ANXA10: variants seen among roughly 807,000 people sequenced by gnomAD.
ANXA10 encodes annexin 14.
ANXA10 carries 49 observed loss-of-function variants against 53.5 expected under a neutral mutation model. That is an observed-to-expected ratio of 0.92 (90% confidence interval 0.73 to 1.16). ANXA10 has a LOEUF of 1.16. Ranked by LOEUF, ANXA10 falls within the 50% of genes most tolerant of loss-of-function variation. ANXA10 has a pLI of 0.00. For synonymous variants in ANXA10, 131 were observed against 128.9 expected (o/e 1.02, Z -0.11); for missense variants, 393 against 394.4 (o/e 1.00, Z 0.03).
intron 11 of ANXA10, among the ~76,000 whole-genome samples, chr4:168,185,816 G>A (rs1732359076): frequency 6.6e-6 from 1 of 152,186 alleles, no homozygotes; most frequent in Admixed American, 6.5e-5. Context: ...GTAATTCCAA[G>A]AAGCAGTGTT....
chr4:168,176,962 T>C (rs1277077561), intron 6 of ANXA10, among the ~76,000 whole-genome samples: 3 of 152,178 alleles, frequency 2.0e-5, no homozygotes, highest in Non-Finnish European at 4.4e-5. Flanking sequence ...ATCATGCCAC[T>C]GCATTCTAAC....
intron 1 of ANXA10, among the ~76,000 whole-genome samples, chr4:168,108,734 A>G (rs1160474856): frequency 6.6e-6 from 1 of 152,162 alleles, no homozygotes; most frequent in Non-Finnish European, 1.5e-5. Flanking sequence ...TCTCACTTAA[A>G]ATAGCTATGT....
At chr4:168,154,607 A>C (rs1731568750) in intron 3 of ANXA10, among the ~76,000 whole-genome samples, 2 of 152,146 alleles carry the variant, frequency 1.3e-5, no homozygotes, top group Admixed American at 1.3e-4. Context: ...TCCTGTAGAG[A>C]TAAAAGTATA....
intron 1 of ANXA10, among the ~76,000 whole-genome samples, chr4:168,122,654 G>C (rs993274736): frequency 6.6e-6 from 1 of 152,314 alleles, no homozygotes; most frequent in Non-Finnish European, 1.5e-5. Flanking sequence ...ATTCACAGCA[G>C]AAGGTGAAGC....
chr4:168,099,221 T>C (rs1186692679), intron 1 of ANXA10, among the ~76,000 whole-genome samples: 1 of 152,168 alleles, frequency 6.6e-6, no homozygotes, highest in African/African-American at 2.4e-5. Context: ...AGTAAACTTC[T>C]TGAATTATTG....
intron 1 of ANXA10, among the ~76,000 whole-genome samples, chr4:168,119,919 T>G (rs1392674900): frequency 6.6e-6 from 1 of 152,096 alleles, no homozygotes; most frequent in African/African-American, 2.4e-5. Flanking sequence ...GATTCAAGCT[T>G]CTTCTTTGCC....
At chr4:168,156,075 T>TATAA (rs1731652869) in intron 3 of ANXA10, among the ~76,000 whole-genome samples, 1 of 73,926 alleles carries the variant, frequency 1.4e-5, no homozygotes, top group Non-Finnish European at 2.3e-5. Context: ...ATATATTATA[T>TATAA]ATATTATATA....
intron 2 of ANXA10, among the ~76,000 whole-genome samples, chr4:168,137,401 T>C (rs1233973323): frequency 6.6e-6 from 1 of 152,146 alleles, no homozygotes; most frequent in African/African-American, 2.4e-5. Context: ...TCATACCCAA[T>C]AGGTAATTTT....
chr4:168,167,814 A>G (rs939969404), intron 6 of ANXA10, among the ~76,000 whole-genome samples: 1 of 152,160 alleles, frequency 6.6e-6, no homozygotes, highest in Admixed American at 6.5e-5. Context: ...TTCACGACTC[A>G]AAAACATTTC....
rs551639969 is a variant in ANXA10 at position 168,158,499 on chromosome 4, C to T, written c.196-4029C>T. Among the ~76,000 whole-genome samples, 19 of 152,212 alleles carry T rather than the reference C, an allele frequency of 1.2e-4. 1 individual carries two copies. The South Asian group carries it at 3.7e-3, about 30-fold the overall frequency. ...ATCATGTAAGAATTTTTTGTCTACA[C>T]CAAGTGGCAAAGATTTGTTCTGGTA... On this transcript the variant is annotated intron_variant, in intron 3 of 11. Coordinates refer to ENST00000359299, the MANE Select transcript of ANXA10 (RefSeq NM_007193.5).
intron 3 of ANXA10, among the ~76,000 whole-genome samples, chr4:168,157,362 G>T (rs1348222597): frequency 6.6e-6 from 1 of 151,960 alleles, no homozygotes; most frequent in Admixed American, 6.6e-5. Flanking sequence ...CCGCCACCCA[G>T]GTTCCAGTGA....
intron 3 of ANXA10, among the ~76,000 whole-genome samples, chr4:168,149,858 T>G (rs1731469154): frequency 6.6e-6 from 1 of 152,228 alleles, no homozygotes; most frequent in East Asian, 1.9e-4. Flanking sequence ...CTTTCAATGC[T>G]GAATAATATT....
chr4:168,122,767 C>A (rs115755287), intron 1 of ANXA10, among the ~76,000 whole-genome samples: 2,220 of 152,232 alleles, frequency 0.015, 52 homozygotes, highest in African/African-American at 0.047. Context: ...AACTCACTCA[C>A]TATTGTGAGG....
chr4:168,183,202 G>A (rs1732295442), intron 10 of ANXA10, among the ~76,000 whole-genome samples: 2 of 151,922 alleles, frequency 1.3e-5, no homozygotes, highest in Non-Finnish European at 2.9e-5. Flanking sequence ...CAGCATGCTG[G>A]GAAAATATGT....
chr4:168,164,524 T>TA (rs1330811085), intron 5 of ANXA10, among the ~76,000 whole-genome samples: 1 of 152,154 alleles, frequency 6.6e-6, no homozygotes, highest in Admixed American at 6.5e-5. Flanking sequence ...TACAAGTCTC[T>TA]ATGAGGTGAA....
intron 1 of ANXA10, among the ~76,000 whole-genome samples, chr4:168,097,654 A>G (rs932828925): frequency 1.3e-5 from 2 of 152,066 alleles, no homozygotes; most frequent in Non-Finnish European, 2.9e-5. Context: ...ACCTTACATT[A>G]TCATTGCCTG....
intron 1 of ANXA10, among the ~76,000 whole-genome samples, chr4:168,105,023 A>G (rs1730697400): frequency 1.3e-5 from 2 of 151,990 alleles, no homozygotes. Flanking sequence ...TGATAAATGT[A>G]GATGAGTGAA....
intron 1 of ANXA10, among the ~76,000 whole-genome samples, chr4:168,101,329 G>A (rs973951197): frequency 4.6e-5 from 7 of 151,932 alleles, no homozygotes; most frequent in Admixed American, 6.6e-5. Flanking sequence ...GGAACTGTGG[G>A]TCAATTAGAC....
intron 3 of ANXA10, among the ~76,000 whole-genome samples, chr4:168,156,358 A>G (rs1430179208): frequency 4.6e-5 from 5 of 107,846 alleles, no homozygotes; most frequent in African/African-American, 1.5e-4. Context: ...TATATAATAT[A>G]TTATATAGTA....
Sources: gnomAD v4.1 joint callset for allele counts (sites outside exome capture counted in the v4.1 genomes callset) on GRCh38, gnomAD v4.1.1 for gene constraint, MANE v1.5 for transcripts, NCBI Gene and HGNC (gene_info 2026-07-23, HGNC 2026-07-21) for gene names.